ZPLD1: variants seen among roughly 807,000 people sequenced by gnomAD.
ZPLD1 encodes the protein zona pellucida-like domain-containing protein 1.
Under a neutral mutation model 47.2 loss-of-function variants are expected in ZPLD1, and 34 were observed. The ratio of observed to expected loss-of-function variants is 0.72; its 90% CI spans 0.55 to 0.96. ZPLD1 has a LOEUF of 0.96. ZPLD1 is among the 40% of genes least tolerant of loss of function. ZPLD1 has a pLI of 0.00. For synonymous variants in ZPLD1, 176 were observed against 186.2 expected, an observed-to-expected ratio of 0.95 and a Z score of 0.45; for missense variants, 512 against 505.8, an observed-to-expected ratio of 1.01 and a Z score of -0.12.
chr3:102,477,592 G>T lies in ZPLD1; in HGVS notation c.1222G>T (p.Gly408Cys). ...RKGPTSLVLN[G>C]IRNPVFD The stretch of plus-strand genomic sequence containing the variant: ...GGGACCCACAAGTTTAGTGTTGAAT[G>T]GCATAAGAAACCCAGTCTTTGACTG... The change falls in exon 12 of 12, where the codon GGC (glycine) becomes TGC (cysteine). Residue 408 changes from glycine (G) to cysteine (C), a missense_variant. By Grantham distance (159) the Gly-to-Cys change is radical. Coordinates refer to ENST00000466937, the MANE Select transcript of ZPLD1 (RefSeq NM_001329788.2). The T allele has an allele frequency of 6.2e-7, 1 of 1,612,766 alleles. No homozygotes were observed. The highest frequency in any genetic ancestry group is 8.5e-7 in the Non-Finnish European group (1 of 1,179,400).
At chr3:102,437,608 A>G (rs931441634) in intron 2 of ZPLD1, among the ~76,000 whole-genome samples, 3 of 152,208 alleles carry the variant, frequency 2.0e-5, no homozygotes, top group African/African-American at 7.2e-5. Context: ...ATGCTCTGAG[A>G]ATAAGTTAGG....
chr3:102,423,504 C>T (rs926596338), intron 8 of ZPLD1, among the ~76,000 whole-genome samples: 4 of 152,038 alleles, frequency 2.6e-5, no homozygotes, highest in Admixed American at 2.0e-4. Flanking sequence ...CTCCTATAAA[C>T]ACAGAATATT....
rs149874525 is a variant in ZPLD1, at chr3:102,472,176, G to A, written c.1042+1674G>A. ...AATAATGCAGAAATATATTAAATGT[G>A]AAATTTCAAACTTAGCCCATACTCC... On this transcript the variant is annotated intron_variant, in intron 10 of 11. Transcript: ENST00000466937. 2.3e-3 allele frequency among the ~76,000 whole-genome samples: 344 copies of A among 152,266 alleles called. 1 individual carries two copies. The highest frequency in any genetic ancestry group is 8.1e-3 in the African/African-American group (338 of 41,536).
intron 7 of ZPLD1, among the ~76,000 whole-genome samples, chr3:102,463,881 TAC>T (rs1350821715): frequency 2.5e-4 from 11 of 44,432 alleles, no homozygotes; most frequent in African/African-American, 1.1e-3. Context: ...CTATTAAAAA[TAC>T]AAAAAAAAAA....
intron 10 of ZPLD1, among the ~76,000 whole-genome samples, chr3:102,470,824 G>A (rs538533081): frequency 2.6e-5 from 4 of 152,036 alleles, no homozygotes; most frequent in African/African-American, 9.7e-5. Context: ...TGTTGTCCAG[G>A]CTGGGGTGCA....
At chr3:102,387,319 A>G (rs1706434541) in intron 6 of ZPLD1, among the ~76,000 whole-genome samples, 1 of 152,228 alleles carries the variant, frequency 6.6e-6, no homozygotes, top group Non-Finnish European at 1.5e-5. Flanking sequence ...TAGTTTTAAA[A>G]TGTGATAGCT....
intron 6 of ZPLD1, among the ~76,000 whole-genome samples, chr3:102,386,233 T>C (rs1423256374): frequency 6.6e-6 from 1 of 151,900 alleles, no homozygotes; most frequent in Non-Finnish European, 1.5e-5. Context: ...TGGATACTTT[T>C]AAAAAATACC....
intron 10 of ZPLD1, 63 bp from the exon 11 acceptor site, chr3:102,476,949 A>C: frequency 6.4e-7 from 1 of 1,554,804 alleles, no homozygotes; most frequent in South Asian, 1.1e-5. Flanking sequence ...ATTAATCAGA[A>C]TAAACAAAGG....
intron 7 of ZPLD1, among the ~76,000 whole-genome samples, chr3:102,403,366 T>C (rs763816932): frequency 3.9e-5 from 6 of 151,932 alleles, no homozygotes; most frequent in Non-Finnish European, 7.4e-5. Flanking sequence ...AAAAATTTAA[T>C]ATTCATCCGA....
intron 2 of ZPLD1, 33 bp downstream of exon 2, chr3:102,437,006 C>G: frequency 1.1e-6 from 1 of 912,816 alleles, no homozygotes; most frequent in Non-Finnish European, 1.3e-6. Flanking sequence ...CTTATTCAGG[C>G]TTCTTTCTTT....
intron 8 of ZPLD1, among the ~76,000 whole-genome samples, chr3:102,420,357 G>A (rs1423941232): frequency 6.6e-6 from 1 of 151,850 alleles, no homozygotes; most frequent in Non-Finnish European, 1.5e-5. Context: ...TATATGTTTT[G>A]TGGTTTATAG....
intron 6 of ZPLD1, among the ~76,000 whole-genome samples, chr3:102,462,007 A>G (rs1707513353): frequency 6.6e-6 from 1 of 152,082 alleles, no homozygotes; most frequent in Non-Finnish European, 1.5e-5. Flanking sequence ...ACTAGTGACC[A>G]CTGAATATAA....
intron 5 of ZPLD1, among the ~76,000 whole-genome samples, chr3:102,457,024 A>G (rs1376453056): frequency 6.6e-6 from 1 of 152,218 alleles, no homozygotes; most frequent in Non-Finnish European, 1.5e-5. Flanking sequence ...CCACATTAAA[A>G]TATAATCACC....
intron 8 of ZPLD1, chr3:102,418,275 C>G (rs1028570196): frequency 6.6e-6 from 1 of 152,194 alleles, no homozygotes; most frequent in African/African-American, 2.4e-5. Context: ...GCATGGAAGA[C>G]TCAGTTTAAT....
chr3:102,454,387 G>A (rs1707381764), intron 4 of ZPLD1, among the ~76,000 whole-genome samples: 1 of 152,126 alleles, frequency 6.6e-6, no homozygotes, highest in Non-Finnish European at 1.5e-5. Context: ...AAGAGCCTAT[G>A]TGGAGATGAG....
intron 8 of ZPLD1, among the ~76,000 whole-genome samples, chr3:102,418,860 G>T (rs976380285): frequency 9.9e-5 from 15 of 152,010 alleles, no homozygotes; most frequent in African/African-American, 3.6e-4. Flanking sequence ...CATAACCTGG[G>T]AGAAGTTATC....
chr3:102,426,665 C>T (rs1706952102), intron 8 of ZPLD1, among the ~76,000 whole-genome samples: 1 of 151,922 alleles, frequency 6.6e-6, no homozygotes, highest in South Asian at 2.1e-4. Context: ...TAATATGGTG[C>T]TAATTGAAGT....
intron 6 of ZPLD1, among the ~76,000 whole-genome samples, chr3:102,389,130 G>A (rs1386522740): frequency 6.6e-6 from 1 of 152,148 alleles, no homozygotes; most frequent in Non-Finnish European, 1.5e-5. Context: ...ATATGGCCCA[G>A]GCAGGTAATT....
At chr3:102,459,927 T>C (rs1322453100) in intron 6 of ZPLD1, among the ~76,000 whole-genome samples, 1 of 152,164 alleles carries the variant, frequency 6.6e-6, no homozygotes, top group Non-Finnish European at 1.5e-5. Context: ...TTGACAAATA[T>C]AAAGTGGCAT....
Sources: allele counts gnomAD v4.1 joint callset (sites outside exome capture counted in the v4.1 genomes callset), GRCh38; gene constraint gnomAD v4.1.1; transcripts MANE v1.5; gene names NCBI Gene and HGNC (gene_info 2026-07-23, HGNC 2026-07-21).